Variants in GNA12 observed in about 807,000 individuals in gnomAD.
GNA12 encodes the protein guanine nucleotide-binding protein subunit alpha-12.
In GNA12, 9 loss-of-function variants were observed where a neutral mutation model predicts 26.0. That is an observed-to-expected ratio of 0.35 (90% CI 0.21 to 0.60). The LOEUF (loss-of-function observed/expected upper bound fraction) is 0.60. Ranked by LOEUF, GNA12 falls within the 20% of genes least tolerant of loss-of-function variation. The probability of loss-of-function intolerance (pLI) is 0.78; values close to 1 mark genes in which losing one functional copy is unlikely to be tolerated. For missense variants in GNA12, 405 were observed against 525.8 expected, an observed-to-expected ratio of 0.77 and a Z score of 2.25; for synonymous variants, 264 against 219.6, an observed-to-expected ratio of 1.20 and a Z score of -1.79.
chr7:2,737,723 G>A (rs1044371917), intron 2 of GNA12, among the ~76,000 whole-genome samples: 1 of 152,172 alleles, frequency 6.6e-6, no homozygotes, highest in African/African-American at 2.4e-5. Flanking sequence ...ACTTCAACGT[G>A]ACAAATTACA....
intron 2 of GNA12, 128 bp from the exon 3 acceptor site, chr7:2,733,629 A>C: frequency 1.4e-6 from 1 of 705,372 alleles, no homozygotes; most frequent in South Asian, 1.6e-5. Flanking sequence ...CAAAGGAAAA[A>C]GGCAGAGAGT....
chr7:2,743,635 C>A (rs1021287622), intron 2 of GNA12, among the ~76,000 whole-genome samples: 1 of 152,152 alleles, frequency 6.6e-6, no homozygotes, highest in African/African-American at 2.4e-5. Flanking sequence ...GTGATTTCTG[C>A]ATTTCCAACT....
intron 2 of GNA12, among the ~76,000 whole-genome samples, chr7:2,781,916 C>A (rs954216755): frequency 2.0e-5 from 3 of 152,152 alleles, no homozygotes; most frequent in Admixed American, 2.0e-4. Context: ...AAACTTACTA[C>A]AAAGCTACAG....
intron 1 of GNA12, among the ~76,000 whole-genome samples, chr7:2,841,318 T>C (rs1024128393): frequency 7.9e-5 from 12 of 152,182 alleles, no homozygotes; most frequent in African/African-American, 1.2e-4. Context: ...AGATTTCAGA[T>C]TCTATGTTTC....
chr7:2,771,041 A>C (rs912428208), intron 2 of GNA12, among the ~76,000 whole-genome samples: 5 of 152,244 alleles, frequency 3.3e-5, no homozygotes, highest in African/African-American at 1.2e-4. Flanking sequence ...CTGTAATCCC[A>C]GCACTTTGGG....
intron 1 of GNA12, among the ~76,000 whole-genome samples, chr7:2,801,103 G>A (rs774590593): frequency 9.2e-5 from 14 of 152,106 alleles, no homozygotes; most frequent in Non-Finnish European, 1.5e-4. Context: ...AGGCAGATGC[G>A]GCCCAGCCTG....
At chr7:2,762,795 G>A (rs1791626489) in intron 2 of GNA12, 1 of 1,537,238 alleles carries the variant, frequency 6.5e-7, no homozygotes, top group Non-Finnish European at 8.8e-7. Flanking sequence ...AAGGGAGGAG[G>A]AGCACTCAGG....
At position 2,768,979 on chromosome 7, in the gene GNA12, C is replaced by T. The variant is rs148041634; in HGVS notation, c.525+25949G>A. ...CTCGCTCCGTTGTCCGGGCTGATCTCGGCTCCCTCCACCTCCTGGGTTCAA... is the reference window on the plus strand; with the variant it reads ...CTCGCTCCGTTGTCCGGGCTGATCTTGGCTCCCTCCACCTCCTGGGTTCAA... On this transcript the variant is annotated intron_variant, in intron 2 of 3. Coordinates refer to ENST00000275364, the MANE Select transcript of GNA12 (RefSeq NM_007353.3). Among the ~76,000 whole-genome samples the T allele has an allele frequency of 1.3e-3, 202 of 152,308 alleles. 1 individual carries two copies. Among genetic ancestry groups the T allele is most frequent in the African/African-American group, 4.5e-3 (189 of 41,568 alleles).
chr7:2,812,990 C>T (rs1407309923), intron 1 of GNA12, among the ~76,000 whole-genome samples: 1 of 152,190 alleles, frequency 6.6e-6, no homozygotes, highest in East Asian at 1.9e-4. Flanking sequence ...GTCGCCCAGG[C>T]TGCTGTGCTG....
chr7:2,760,570 C>T (rs1791508672), intron 2 of GNA12: 1 of 152,404 alleles, frequency 6.6e-6, no homozygotes, highest in East Asian at 1.9e-4. Flanking sequence ...CACGTCACAT[C>T]AGGGCGTCCC....
At chr7:2,768,655 T>G in intron 2 of GNA12, among the ~76,000 whole-genome samples, 1 of 145,744 alleles carries the variant, frequency 6.9e-6, no homozygotes, top group African/African-American at 2.6e-5. Flanking sequence ...CAGGTGAATA[T>G]GCTCTCAAGG....
At chr7:2,751,210 C>T (rs1199634451) in intron 2 of GNA12, among the ~76,000 whole-genome samples, 1 of 151,664 alleles carries the variant, frequency 6.6e-6, no homozygotes, top group African/African-American at 2.4e-5. Context: ...ATGGTAAAAC[C>T]CCATCTTCTC....
intron 1 of GNA12, among the ~76,000 whole-genome samples, chr7:2,795,345 G>A (rs1168133900): frequency 1.3e-5 from 2 of 152,124 alleles, no homozygotes; most frequent in Admixed American, 6.6e-5. Context: ...CAAGACAGAC[G>A]CACATGGCCG....
At position 2,787,849 on chromosome 7, in the gene GNA12, C is replaced by T. The variant is rs193156591; in HGVS notation, c.525+7079G>A. On this transcript the variant is annotated intron_variant, in intron 2 of 3. Transcript: ENST00000275364. ...GGTCATCTTCTCAACTCTGTTACCA[C>T]GGCAGAGAGAAAACAAATGCCAGGG... 1.4e-3 allele frequency among the ~76,000 whole-genome samples: 218 copies of T among 152,268 alleles called. 1 individual carries two copies. The highest frequency in any genetic ancestry group is 1.9e-3 in the Non-Finnish European group (128 of 68,016).
intron 2 of GNA12, among the ~76,000 whole-genome samples, chr7:2,774,979 T>A (rs918392151): frequency 6.6e-6 from 1 of 152,178 alleles, no homozygotes; most frequent in Non-Finnish European, 1.5e-5. Flanking sequence ...TTTACCGACA[T>A]CCCTTCCCAA....
chr7:2,842,044 AAAGG>A (rs886617813), intron 1 of GNA12, among the ~76,000 whole-genome samples: 51 of 73,048 alleles, frequency 7.0e-4, no homozygotes, highest in African/African-American at 2.3e-3. Context: ...AGAAAAGAAA[AAAGG>A]AAGGAAGGTA....
chr7:2,738,670 G>A (rs748874441), intron 2 of GNA12, among the ~76,000 whole-genome samples: 1 of 151,994 alleles, frequency 6.6e-6, no homozygotes, highest in Non-Finnish European at 1.5e-5. Context: ...CCCTCTCTGA[G>A]TATGTCTGAC....
At chr7:2,791,640 CA>C (rs1792521603) in intron 2 of GNA12, among the ~76,000 whole-genome samples, 1 of 151,576 alleles carries the variant, frequency 6.6e-6, no homozygotes, top group African/African-American at 2.4e-5. Flanking sequence ...GGAAGAAAGA[CA>C]AGCAAAAAAC....
Position 2,743,857 on chromosome 7 carries a change from G to A in GNA12, c.526-10356C>T, listed in dbSNP as rs115757943. 9.5e-3 allele frequency among the ~76,000 whole-genome samples: 1,448 copies of A among 152,070 alleles called. 17 individuals carry two copies. Among genetic ancestry groups the A allele is most frequent in the African/African-American group, 0.033 (1,355 of 41,466 alleles). ...CACTTTCCCAACAGGCTTAAAAAAC[G>A]GCACACCAGATTACATCCCGCACCT... On this transcript the variant is annotated intron_variant, in intron 2 of 3. Coordinates refer to ENST00000275364, the MANE Select transcript of GNA12 (RefSeq NM_007353.3).
Sources: gnomAD v4.1 joint callset for allele counts (sites outside exome capture counted in the v4.1 genomes callset) on GRCh38, gnomAD v4.1.1 for gene constraint, MANE v1.5 for transcripts, NCBI Gene and HGNC (gene_info 2026-07-23, HGNC 2026-07-21) for gene names.